CELF5: variants seen among roughly 807,000 people sequenced by gnomAD.
CELF5 encodes the protein CUGBP Elav-like family member 5.
Under a neutral mutation model 54.9 loss-of-function variants are expected in CELF5, and 6 were observed. The ratio of observed to expected loss-of-function variants is 0.11; its 90% CI spans 0.06 to 0.22. CELF5 has a LOEUF of 0.22. Among genes scored for constraint, CELF5 ranks in the 10% least tolerant of loss-of-function variants. The pLI is 1.00. For synonymous variants in CELF5, 271 were observed against 290.9 expected, an observed-to-expected ratio of 0.93 and a Z score of 0.70; for missense variants, 401 against 678.6, an observed-to-expected ratio of 0.59 and a Z score of 4.54.
At chr19:3,290,563 C>CTTT (rs34393788) in intron 11 of CELF5, among the ~76,000 whole-genome samples, 189 bp downstream of exon 11, 1 of 126,994 alleles carries the variant, frequency 7.9e-6, no homozygotes, top group Admixed American at 8.0e-5. Context: ...GTTTGGGTTT[C>CTTT]TTTTTTTTTT....
chr19:3,272,163 C>T (rs987827869), intron 2 of CELF5, among the ~76,000 whole-genome samples: 25 of 151,962 alleles, frequency 1.6e-4, no homozygotes, highest in Middle Eastern at 3.2e-3. Flanking sequence ...CTCAGCAGAT[C>T]GAGACCATCC....
At chr19:3,244,231 G>A (rs1433321766) in intron 1 of CELF5, among the ~76,000 whole-genome samples, 1 of 152,046 alleles carries the variant, frequency 6.6e-6, no homozygotes. Context: ...GCTTTTGTGA[G>A]CATGCGTCTG....
At chr19:3,270,892 G>A (rs2079951334) in intron 2 of CELF5, among the ~76,000 whole-genome samples, 1 of 151,784 alleles carries the variant, frequency 6.6e-6, no homozygotes, top group Non-Finnish European at 1.5e-5. Context: ...GTGGGGAGAT[G>A]GGGAGCAGGT....
chr19:3,283,379 C>G (rs1343665849), intron 8 of CELF5, among the ~76,000 whole-genome samples: 1 of 152,124 alleles, frequency 6.6e-6, no homozygotes, highest in Non-Finnish European at 1.5e-5. Context: ...GAGACAGTGT[C>G]TCACTGTGTC....
rs903438496 is a variant in CELF5, at chr19:3,288,106, G to A, written c.1186+2081G>A. Among the ~76,000 whole-genome samples, 3 of 152,222 alleles carry A rather than the reference G, an allele frequency of 2.0e-5. No individual in the cohort carries two copies. The East Asian group carries it at 5.8e-4, about 29-fold the overall frequency. Reference sequence around the variant, plus strand: ...GTATTTTCTTCTGAAGGTCAGTGCAGCTGGATGTGTTTTTCAGCGGTCGCC... The same window carrying A: ...GTATTTTCTTCTGAAGGTCAGTGCAACTGGATGTGTTTTTCAGCGGTCGCC... On this transcript the variant is annotated intron_variant, in intron 10 of 12. Coordinates refer to ENST00000292672, the MANE Select transcript of CELF5 (RefSeq NM_021938.4).
chr19:3,293,250 G>A, intron 11 of CELF5, 69 bp from the exon 12 acceptor site: 1 of 1,591,006 alleles, frequency 6.3e-7, no homozygotes, highest in Non-Finnish European at 8.6e-7. Flanking sequence ...GGAAGCCAGG[G>A]CCACAGCATA....
chr19:3,230,990 C>T (rs1009859549), intron 1 of CELF5, among the ~76,000 whole-genome samples: 3 of 152,194 alleles, frequency 2.0e-5, no homozygotes, highest in East Asian at 1.9e-4. Context: ...TGAGCTTTGA[C>T]CCGCTCTGGA....
At chr19:3,247,069 G>C (rs1299795471) in intron 1 of CELF5, among the ~76,000 whole-genome samples, 1 of 152,176 alleles carries the variant, frequency 6.6e-6, no homozygotes, top group African/African-American at 2.4e-5. Context: ...CTGCAGGATG[G>C]AGGGGGTTGT....
chr19:3,273,854 T>G lies in CELF5; in HGVS notation c.343-18T>G, dbSNP rs2080004714. 6.5e-7 allele frequency: 1 copy of G among 1,541,592 alleles called. No individual in the cohort carries two copies. Among genetic ancestry groups the G allele is most frequent in the Non-Finnish European group, 8.9e-7 (1 of 1,124,356 alleles). ...CCCACTGCTAAGCTTGACTTTTCCC[T>G]TCCCCCTCTCTCTGCAGATGGCGCG... On this transcript the variant is annotated intron_variant, in intron 2 of 12. Coordinates refer to ENST00000292672, the MANE Select transcript of CELF5 (RefSeq NM_021938.4).
Position 3,282,416 on chromosome 19 carries a change from T to C in CELF5, c.957T>C (p.Asn319=). 1 of 1,613,250 alleles carries C rather than the reference T, an allele frequency of 6.2e-7. No homozygotes were observed. Among genetic ancestry groups the C allele is most frequent in the Non-Finnish European group, 8.5e-7 (1 of 1,180,032 alleles). The part of the protein sequence containing the change: ...AVPGLVAPIT[N]GFAGVVPFPG... ...CTGGCCTCGTGGCTCCCATCACCAA[T>C]GGCTTTGCAGGTGTCGTGCCCTTTC... The change falls in exon 8 of 13, where the codon AAT becomes AAC. Residue 319 remains asparagine (N), a synonymous_variant. Transcript: ENST00000292672. The surrounding 1 kb of genome is among the most constrained non-coding windows in gnomAD (Gnocchi z 5.2).
rs953959994 is a variant in CELF5 at position 3,286,192 on chromosome 19, G to GA, written c.1186+169dup. The GA allele has an allele frequency of 1.5e-5, 8 of 539,996 alleles. No homozygotes were observed. The African/African-American group carries it at 1.6e-4, about 11-fold the overall frequency. 33.5% of individuals were successfully genotyped at this position (539,996 alleles called of 1,614,324 possible). On this transcript the variant is annotated intron_variant, in intron 10 of 12. Transcript: ENST00000292672. ...TCCCGGTGCAGCCGCTGACCCCTGG[G>GA]AATCTCCCTCTCTGTTTCCTCCTCC...
chr19:3,284,204 C>T (rs1382940013), intron 8 of CELF5, among the ~76,000 whole-genome samples: 3 of 151,658 alleles, frequency 2.0e-5, no homozygotes, highest in African/African-American at 2.4e-5. Context: ...TGTGCAGGGG[C>T]GGTTAATTGC....
At chr19:3,274,656 A>G (rs572277902) in intron 3 of CELF5, among the ~76,000 whole-genome samples, 1 of 152,266 alleles carries the variant, frequency 6.6e-6, no homozygotes, top group South Asian at 2.1e-4. Context: ...CATGGGACCC[A>G]AATCTAGTCA....
chr19:3,287,515 C>T (rs369345815), intron 10 of CELF5, among the ~76,000 whole-genome samples: 21 of 149,350 alleles, frequency 1.4e-4, no homozygotes, highest in Non-Finnish European at 2.2e-4. Flanking sequence ...GCCAAGATTG[C>T]GCCACTGCAC....
In CELF5 at chr19:3,282,979, T is replaced by G. The variant is rs994547579; in HGVS notation, c.1039+481T>G. On this transcript the variant is annotated intron_variant, in intron 8 of 12. Coordinates refer to ENST00000292672, the MANE Select transcript of CELF5 (RefSeq NM_021938.4). This position sits in a 1 kb window ranked among gnomAD's most constrained non-coding sequence, Gnocchi z 5.2. ...CCAAGTAGCTGGGATTACAGGCGCA[T>G]GCCACCATGCCCGGCTAATTTTTGT... 4.6e-5 allele frequency among the ~76,000 whole-genome samples: 7 copies of G among 152,204 alleles called. No homozygotes were observed. The highest frequency in any genetic ancestry group is 1.7e-4 in the African/African-American group (7 of 41,454).
Position 3,228,580 on chromosome 19 carries a change from C to G in CELF5, c.259+3582C>G, listed in dbSNP as rs908306881. Among the ~76,000 whole-genome samples the G allele has an allele frequency of 1.4e-5, 2 of 147,964 alleles. No homozygotes were observed. The highest frequency in any genetic ancestry group is 3.0e-5 in the Non-Finnish European group (2 of 67,064). ...TTTGCATGTTAATGACAATATTTGT[C>G]TTAAAGCGGAGGTTGCGCTGGGGGA... On this transcript the variant is annotated intron_variant, in intron 1 of 12. Coordinates refer to ENST00000292672, the MANE Select transcript of CELF5 (RefSeq NM_021938.4). The surrounding 1 kb of genome is among the most constrained non-coding windows in gnomAD (Gnocchi z 6.0).
chr19:3,271,101 G>C (rs542424180), intron 2 of CELF5, among the ~76,000 whole-genome samples: 1 of 151,596 alleles, frequency 6.6e-6, no homozygotes, highest in African/African-American at 2.4e-5. Flanking sequence ...GCCAGCTTCC[G>C]TGTGGTGAAT....
intron 4 of CELF5, among the ~76,000 whole-genome samples, chr19:3,276,652 T>C (rs2080058787): frequency 1.7e-5 from 2 of 118,826 alleles, no homozygotes; most frequent in Non-Finnish European, 3.6e-5. Context: ...CTCTGCATGC[T>C]GGCTGTGGGG....
chr19:3,251,118 C>A (rs72987040), intron 2 of CELF5, 51 bp downstream of exon 2: 161,104 of 1,397,384 alleles, frequency 0.12, 10,023 homozygotes, highest in Non-Finnish European at 0.12. Context: ...TGGCTCTCAG[C>A]CTGGGGTGGG....
Sources: gnomAD v4.1 joint callset for allele counts (sites outside exome capture counted in the v4.1 genomes callset) on GRCh38, gnomAD v4.1.1 for gene constraint, Gnocchi (gnomAD v3.1) non-coding constraint, MANE v1.5 for transcripts, NCBI Gene and HGNC (gene_info 2026-07-23, HGNC 2026-07-21) for gene names.